GRIN2A: variants seen among roughly 807,000 people sequenced by gnomAD.
GRIN2A encodes glutamate receptor ionotropic, NMDA 2A.
GRIN2A carries 22 observed loss-of-function variants against 113.4 expected under a neutral mutation model. The ratio of observed to expected loss-of-function variants is 0.19; its 90% CI spans 0.14 to 0.28. The LOEUF (loss-of-function observed/expected upper bound fraction) is 0.28, where lower values mean the gene tolerates loss of function less well. Ranked by LOEUF, GRIN2A falls within the 10% of genes least tolerant of loss-of-function variation. The pLI is 1.00. For missense variants in GRIN2A, 1,502 were observed against 1,887.0 expected, an observed-to-expected ratio of 0.80 and a Z score of 3.78; for synonymous variants, 827 against 738.4, an observed-to-expected ratio of 1.12 and a Z score of -1.94.
At chr16:9,893,612 G>A (rs771809472) in intron 3 of GRIN2A, among the ~76,000 whole-genome samples, 5 of 152,058 alleles carry the variant, frequency 3.3e-5, no homozygotes, top group Non-Finnish European at 7.4e-5. Context: ...GGTTACAGGT[G>A]CCCACCACTA....
chr16:9,837,654 A>G (rs2042605639), intron 7 of GRIN2A, among the ~76,000 whole-genome samples: 2 of 152,318 alleles, frequency 1.3e-5, no homozygotes, highest in South Asian at 4.1e-4. Context: ...CCTGCCAAAG[A>G]GTCTGAAAGG....
intron 4 of GRIN2A, among the ~76,000 whole-genome samples, chr16:9,859,999 T>A (rs1384913902): frequency 6.6e-6 from 1 of 151,010 alleles, no homozygotes; most frequent in Admixed American, 6.6e-5. Context: ...GTCTATCCTA[T>A]CCCTAGAGTT....
At chr16:9,888,538 T>C (rs1450730865) in intron 4 of GRIN2A, among the ~76,000 whole-genome samples, 1 of 152,046 alleles carries the variant, frequency 6.6e-6, no homozygotes, top group Non-Finnish European at 1.5e-5. Flanking sequence ...ATTTTCCTTT[T>C]CCCTGTTGTC....
chr16:9,988,896 G>T (rs958139993), intron 2 of GRIN2A, among the ~76,000 whole-genome samples: 3 of 152,074 alleles, frequency 2.0e-5, no homozygotes, highest in Non-Finnish European at 2.9e-5. Flanking sequence ...CAGGAGGAGG[G>T]TCCTACAACT....
chr16:9,926,471 A>G (rs568759982), intron 3 of GRIN2A, among the ~76,000 whole-genome samples: 80 of 152,330 alleles, frequency 5.3e-4, no homozygotes, highest in Non-Finnish European at 8.5e-4. Context: ...GTAAGCATAT[A>G]GGATAAGAGA....
chr16:10,161,115 C>A (rs979679103), intron 2 of GRIN2A, among the ~76,000 whole-genome samples: 1 of 152,130 alleles, frequency 6.6e-6, no homozygotes, highest in Non-Finnish European at 1.5e-5. Flanking sequence ...GTGGGAGGGA[C>A]CTGGTGGGAG....
intron 2 of GRIN2A, among the ~76,000 whole-genome samples, chr16:10,151,655 G>C (rs2049577037): frequency 1.3e-5 from 2 of 152,232 alleles, no homozygotes; most frequent in Admixed American, 6.5e-5. Context: ...AAAATTAAAA[G>C]TTTCCTCTCA....
In GRIN2A at chr16:10,146,171, G is replaced by A. The variant is rs181854633; in HGVS notation, c.414+33827C>T. ...CTCGCTCTGTCGCCCAGACTGGAGT[G>A]CAGTGGTGCGATCTCGGCTCACTGC... is the stretch of plus-strand genomic sequence containing the variant. On this transcript the variant is annotated intron_variant, in intron 2 of 12. Transcript: ENST00000330684. Among the ~76,000 whole-genome samples the A allele has an allele frequency of 1.1e-3, 162 of 152,232 alleles. 1 individual carries two copies. The highest frequency in any genetic ancestry group is 6.8e-3 in the Middle Eastern group (2 of 294).
intron 3 of GRIN2A, among the ~76,000 whole-genome samples, chr16:9,921,577 T>C (rs1286527686): frequency 6.6e-6 from 1 of 152,252 alleles, no homozygotes; most frequent in Non-Finnish European, 1.5e-5. Flanking sequence ...TAATATAAGA[T>C]GGTGCATGTG....
At chr16:10,007,911 A>G (rs188187073) in intron 2 of GRIN2A, among the ~76,000 whole-genome samples, 3 of 152,308 alleles carry the variant, frequency 2.0e-5, no homozygotes, top group African/African-American at 4.8e-5. Flanking sequence ...TCTTATTTGT[A>G]TCTTTAAAAA....
intron 2 of GRIN2A, among the ~76,000 whole-genome samples, chr16:10,051,025 C>G (rs1043204871): frequency 6.6e-6 from 1 of 152,270 alleles, no homozygotes; most frequent in African/African-American, 2.4e-5. Flanking sequence ...AGCTAAGACT[C>G]GAGAGCATGT....
intron 2 of GRIN2A, among the ~76,000 whole-genome samples, chr16:9,965,691 G>A (rs2045543668): frequency 6.6e-6 from 1 of 152,164 alleles, no homozygotes; most frequent in Non-Finnish European, 1.5e-5. Flanking sequence ...TGGAATTAAG[G>A]AATAAATGAA....
At chr16:10,018,989 AT>A (rs892977453) in intron 2 of GRIN2A, among the ~76,000 whole-genome samples, 3 of 151,116 alleles carry the variant, frequency 2.0e-5, no homozygotes, top group Admixed American at 6.6e-5. Flanking sequence ...AAGAAAAAAT[AT>A]TTTTTTTGGA....
chr16:10,122,113 C>G (rs886142480), intron 2 of GRIN2A, among the ~76,000 whole-genome samples: 1 of 152,156 alleles, frequency 6.6e-6, no homozygotes, highest in African/African-American at 2.4e-5. Context: ...AACTGGTAAC[C>G]TATTGACAAA....
intron 2 of GRIN2A, among the ~76,000 whole-genome samples, chr16:10,133,413 G>A (rs957423839): frequency 6.6e-6 from 1 of 152,162 alleles, no homozygotes; most frequent in African/African-American, 2.4e-5. Context: ...TTCGAGACCA[G>A]CCTGGCCAAC....
intron 10 of GRIN2A, among the ~76,000 whole-genome samples, chr16:9,804,886 G>A (rs2041934875): frequency 6.6e-6 from 1 of 152,178 alleles, no homozygotes; most frequent in East Asian, 1.9e-4. Context: ...CAGAACAAGA[G>A]GGGGAAATAA....
chr16:10,110,222 G>GT (rs1280468013), intron 2 of GRIN2A, among the ~76,000 whole-genome samples: 2 of 152,176 alleles, frequency 1.3e-5, no homozygotes, highest in African/African-American at 4.8e-5. Context: ...AGGCTACAGG[G>GT]TAAGAAAGAG....
chr16:9,812,362 G>C (rs1290490982), intron 10 of GRIN2A, among the ~76,000 whole-genome samples: 2 of 152,180 alleles, frequency 1.3e-5, no homozygotes, highest in Admixed American at 6.5e-5. Flanking sequence ...ACTTAAGCCG[G>C]TCACGGTAAC....
At chr16:10,039,869 C>G (rs949622294) in intron 2 of GRIN2A, among the ~76,000 whole-genome samples, 1 of 140,028 alleles carries the variant, frequency 7.1e-6, no homozygotes, top group South Asian at 2.4e-4. Context: ...AGGAGGGGTG[C>G]GGCAGCCACA....
Sources: allele counts gnomAD v4.1 joint callset (sites outside exome capture counted in the v4.1 genomes callset), GRCh38; gene constraint gnomAD v4.1.1; transcripts MANE v1.5; gene names NCBI Gene and HGNC (gene_info 2026-07-23, HGNC 2026-07-21).